Variants in KIAA0825 observed in about 807,000 individuals in gnomAD.
KIAA0825 encodes the protein uncharacterized protein KIAA0825.
Under a neutral mutation model 147.6 loss-of-function variants are expected in KIAA0825, and 119 were observed. That is an observed-to-expected ratio of 0.81 (90% CI 0.69 to 0.94). The LOEUF (loss-of-function observed/expected upper bound fraction) is 0.94. Among genes scored for constraint, KIAA0825 ranks in the 40% least tolerant of loss-of-function variants. The pLI is 0.00. For synonymous variants in KIAA0825, 470 were observed against 518.1 expected (o/e 0.91, Z 1.26); for missense variants, 1,381 against 1,472.7 (o/e 0.94, Z 1.02).
chr5:94,564,424 A>G (rs568132098), intron 2 of KIAA0825, among the ~76,000 whole-genome samples: 58 of 120,770 alleles, frequency 4.8e-4, no homozygotes, highest in African/African-American at 1.9e-3. Context: ...TGAGGTATCG[A>G]CTACCGGCAT....
intron 20 of KIAA0825, among the ~76,000 whole-genome samples, chr5:94,344,229 A>G (rs1358339914): frequency 1.3e-5 from 2 of 152,240 alleles, no homozygotes; most frequent in African/African-American, 4.8e-5. Context: ...TAGGTAATAA[A>G]TTGATGTTGT....
At chr5:94,508,192 A>G (rs1032711328) in intron 5 of KIAA0825, among the ~76,000 whole-genome samples, 6 of 151,820 alleles carry the variant, frequency 4.0e-5, no homozygotes, top group African/African-American at 1.2e-4. Context: ...TATAATCACT[A>G]ATTTCCTAAA....
intron 20 of KIAA0825, among the ~76,000 whole-genome samples, chr5:94,204,864 A>AC (rs1207715341): frequency 1.5e-4 from 23 of 152,168 alleles, no homozygotes; most frequent in African/African-American, 5.6e-4. Context: ...TAATACTAAG[A>AC]CAAAGGGATG....
At chr5:94,232,835 T>C (rs1306401132) in intron 20 of KIAA0825, among the ~76,000 whole-genome samples, 2 of 152,142 alleles carry the variant, frequency 1.3e-5, no homozygotes, top group Non-Finnish European at 2.9e-5. Flanking sequence ...ATATATTTCT[T>C]GCTCTCTAGA....
chr5:94,539,868 T>C lies in KIAA0825; in HGVS notation c.-1-2741A>G, dbSNP rs574499793. On this transcript the variant is annotated intron_variant, in intron 2 of 20. Coordinates refer to ENST00000682413, the MANE Select transcript of KIAA0825 (RefSeq NM_001145678.3). ...GGGTTTGGCACTACGGGATGTGAAC[T>C]GCTATTCTCTTTGGATTAATCTGCC... Among the ~76,000 whole-genome samples the C allele has an allele frequency of 1.8e-4, 27 of 152,276 alleles. No individual in the cohort carries two copies. The East Asian group carries it at 5.0e-3, about 28-fold the overall frequency.
chr5:94,254,116 G>A (rs1776116964), intron 20 of KIAA0825, among the ~76,000 whole-genome samples: 1 of 152,060 alleles, frequency 6.6e-6, no homozygotes, highest in Non-Finnish European at 1.5e-5. Flanking sequence ...GGCCTATTGG[G>A]GACAGCAAGA....
intron 1 of KIAA0825, among the ~76,000 whole-genome samples, chr5:94,601,665 G>A (rs1786480665): frequency 6.6e-6 from 1 of 152,084 alleles, no homozygotes; most frequent in African/African-American, 2.4e-5. Context: ...AACATTGCAG[G>A]AGCTGACAAA....
At chr5:94,267,740 TC>T (rs1776799313) in intron 20 of KIAA0825, among the ~76,000 whole-genome samples, 1 of 152,216 alleles carries the variant, frequency 6.6e-6, no homozygotes, top group African/African-American at 2.4e-5. Context: ...ACCTCTTTGC[TC>T]CTTACATGAG....
At chr5:94,530,209 T>G (rs1024015290) in intron 3 of KIAA0825, among the ~76,000 whole-genome samples, 3 of 133,964 alleles carry the variant, frequency 2.2e-5, no homozygotes, top group Non-Finnish European at 3.0e-5. Context: ...AGGCAGAGGT[T>G]GCAGTGAGCT....
intron 20 of KIAA0825, among the ~76,000 whole-genome samples, chr5:94,298,201 T>C (rs917271517): frequency 1.3e-5 from 2 of 151,790 alleles, no homozygotes; most frequent in African/African-American, 2.4e-5. Flanking sequence ...TGAGCCGAGA[T>C]TGCGCCACTG....
chr5:94,505,769 A>G (rs1278855115), intron 5 of KIAA0825, among the ~76,000 whole-genome samples: 1 of 152,238 alleles, frequency 6.6e-6, no homozygotes, highest in Non-Finnish European at 1.5e-5. Flanking sequence ...GATAAATCCT[A>G]AAATAATTTA....
chr5:94,236,023 T>A (rs1382455105), intron 20 of KIAA0825, among the ~76,000 whole-genome samples: 1 of 152,220 alleles, frequency 6.6e-6, no homozygotes, highest in Admixed American at 6.5e-5. Flanking sequence ...ATTCATGTTG[T>A]TTTTATGCCG....
chr5:94,508,157 G>A (rs1290191533), intron 5 of KIAA0825, among the ~76,000 whole-genome samples: 1 of 148,488 alleles, frequency 6.7e-6, no homozygotes, highest in African/African-American at 2.5e-5. Context: ...CTAACTGTAT[G>A]TTTAAAATAA....
Position 94,433,467 on chromosome 5 carries a change from A to G in KIAA0825, c.2497+6515T>C, listed in dbSNP as rs374587963. Among the ~76,000 whole-genome samples the G allele has an allele frequency of 2.0e-4, 30 of 152,354 alleles. No individual in the cohort carries two copies. The East Asian group carries it at 5.2e-3, about 26-fold the overall frequency. ...ACAAAAGGTACTATGAAAATTATCTACTACTTAGGTTTCTGATAGTTCCCA... is the reference window on the plus strand; with the variant it reads ...ACAAAAGGTACTATGAAAATTATCTGCTACTTAGGTTTCTGATAGTTCCCA... On this transcript the variant is annotated intron_variant, in intron 14 of 20. Transcript: ENST00000682413.
chr5:94,570,816 G>A (rs1336986886), intron 2 of KIAA0825: 1 of 152,276 alleles, frequency 6.6e-6, no homozygotes, highest in Non-Finnish European at 1.5e-5. Flanking sequence ...ACTACTCTCT[G>A]TACTTTCATG....
chr5:94,156,394 A>G (rs984114647), intron 20 of KIAA0825, among the ~76,000 whole-genome samples: 1 of 152,234 alleles, frequency 6.6e-6, no homozygotes, highest in African/African-American at 2.4e-5. Flanking sequence ...TTAAATCCAA[A>G]CATGAGAAAT....
intron 20 of KIAA0825, among the ~76,000 whole-genome samples, chr5:94,191,967 G>A (rs923550054): frequency 1.3e-5 from 2 of 152,282 alleles, no homozygotes; most frequent in Middle Eastern, 3.4e-3. Context: ...AAAATCAATC[G>A]TCAGAGCAGG....
chr5:94,557,214 G>C (rs1288839295), intron 2 of KIAA0825, among the ~76,000 whole-genome samples: 1 of 152,072 alleles, frequency 6.6e-6, no homozygotes, highest in Non-Finnish European at 1.5e-5. Flanking sequence ...CCTGGGCCAA[G>C]TGATCCTCCC....
At chr5:94,551,985 G>A (rs1030466986) in intron 2 of KIAA0825, among the ~76,000 whole-genome samples, 2 of 151,774 alleles carry the variant, frequency 1.3e-5, no homozygotes, top group Admixed American at 6.6e-5. Flanking sequence ...ATATAGAAAT[G>A]GATCAAAGAA....
Sources: allele counts gnomAD v4.1 joint callset (sites outside exome capture counted in the v4.1 genomes callset), GRCh38; gene constraint gnomAD v4.1.1; transcripts MANE v1.5; gene names NCBI Gene and HGNC (gene_info 2026-07-23, HGNC 2026-07-21).